FAM228B: variants seen among roughly 807,000 people sequenced by gnomAD.
The protein encoded by FAM228B is protein FAM228B.
FAM228B carries 38 observed loss-of-function variants against 42.6 expected under a neutral mutation model. That is an observed-to-expected ratio of 0.89 (90% CI 0.69 to 1.17). The LOEUF (loss-of-function observed/expected upper bound fraction) is 1.17, where lower values mean the gene tolerates loss of function less well. FAM228B is among the 50% of genes most tolerant of loss of function. FAM228B has a pLI of 0.00. For synonymous variants in FAM228B, 109 were observed against 122.3 expected (o/e 0.89, Z 0.72); for missense variants, 344 against 367.3 (o/e 0.94, Z 0.52).
At chr2:24,101,206 T>TG (rs1665597871) in intron 3 of FAM228B, among the ~76,000 whole-genome samples, 4 of 152,198 alleles carry the variant, frequency 2.6e-5, no homozygotes, top group African/African-American at 9.7e-5. Flanking sequence ...GGCACATGTA[T>TG]ACCTATGTAT....
intron 1 of FAM228B, among the ~76,000 whole-genome samples, chr2:24,078,578 C>CA: frequency 6.6e-6 from 1 of 151,886 alleles, no homozygotes; most frequent in East Asian, 1.9e-4. Flanking sequence ...CACATAGGAG[C>CA]TAAAGGGGGG....
rs1667351555 is a variant in FAM228B at position 24,164,424 on chromosome 2, G to A, written c.932+89G>A. 7.3e-6 allele frequency: 10 copies of A among 1,377,656 alleles called. No individual in the cohort carries two copies. In the African/African-American group the frequency reaches 7.3e-5, roughly 10 times the overall value. The allele number at this position is 1,377,656 out of a possible 1,614,324, so 85.3% of individuals were successfully genotyped here. On this transcript the variant is annotated intron_variant, in intron 9 of 10. Transcript: ENST00000615575. ...AGCACCTGGGAACTTTCTTTGTATG[G>A]CAGGCTTCCAGGAAGAGAGGAGGCA...
At chr2:24,144,649 C>T (rs943352547) in intron 5 of FAM228B, among the ~76,000 whole-genome samples, 8 of 152,114 alleles carry the variant, frequency 5.3e-5, no homozygotes, top group African/African-American at 1.7e-4. Flanking sequence ...TGGAGAGGGC[C>T]GAGGTGTGAG....
intron 2 of FAM228B, among the ~76,000 whole-genome samples, chr2:24,091,710 A>G (rs984419242): frequency 5.9e-5 from 9 of 152,174 alleles, no homozygotes. Flanking sequence ...TTATATAATG[A>G]AGACTGTAAA....
At chr2:24,153,575 A>G (rs1208954238) in intron 7 of FAM228B, among the ~76,000 whole-genome samples, 1 of 152,164 alleles carries the variant, frequency 6.6e-6, no homozygotes, top group African/African-American at 2.4e-5. Context: ...GATGCAGGAC[A>G]AAGTCCTCTT....
At chr2:24,104,086 A>G (rs944256690) in intron 3 of FAM228B, among the ~76,000 whole-genome samples, 1 of 152,198 alleles carries the variant, frequency 6.6e-6, no homozygotes, top group South Asian at 2.1e-4. Context: ...CCATCAGGGC[A>G]GTAGAGGAAC....
At chr2:24,138,181 T>A in intron 4 of FAM228B, 81 bp downstream of exon 4, 1 of 1,077,328 alleles carries the variant, frequency 9.3e-7, no homozygotes, top group Non-Finnish European at 1.3e-6. Context: ...ATTCAGTCAG[T>A]CTGTCCCTGT....
chr2:24,097,399 C>T (rs1264199298), intron 3 of FAM228B: 2 of 125,330 alleles, frequency 1.6e-5, no homozygotes, highest in Non-Finnish European at 3.2e-5. Context: ...TGCAAAGACA[C>T]ACATAGACTA....
chr2:24,114,729 T>C (rs1172366787), intron 3 of FAM228B, among the ~76,000 whole-genome samples: 2 of 152,154 alleles, frequency 1.3e-5, no homozygotes, highest in Non-Finnish European at 1.5e-5. Flanking sequence ...TGCATCATGT[T>C]TAGCAATAGT....
At chr2:24,104,831 G>A (rs1009177868) in intron 3 of FAM228B, among the ~76,000 whole-genome samples, 4 of 152,174 alleles carry the variant, frequency 2.6e-5, no homozygotes, top group African/African-American at 7.2e-5. Context: ...ACAGCCAGGT[G>A]GATAACACCT....
chr2:24,080,920 C>T lies in FAM228B; in HGVS notation c.-245C>T. On this transcript the variant is annotated 5_prime_UTR_variant, in exon 2 of 11. Coordinates refer to the FAM228B transcript ENST00000613899. The surrounding 1 kb of genome is among the most constrained non-coding windows in gnomAD (Gnocchi z 4.7). Reference sequence around the variant, plus strand: ...TGCCATTTGAAGCTTCTTCTGGGAGCCAGCTGTGACCAGAGGAATAGCTCC... The same window carrying T: ...TGCCATTTGAAGCTTCTTCTGGGAGTCAGCTGTGACCAGAGGAATAGCTCC... 1.9e-6 allele frequency: 3 copies of T among 1,614,230 alleles called. No homozygotes were observed. The highest frequency in any genetic ancestry group is 2.5e-6 in the Non-Finnish European group (3 of 1,180,044).
intron 3 of FAM228B, among the ~76,000 whole-genome samples, chr2:24,137,255 T>C (rs1226205043): frequency 2.3e-4 from 35 of 152,190 alleles, no homozygotes; most frequent in Admixed American, 2.3e-3. Flanking sequence ...TGAACATTGG[T>C]GTACAAGTAT....
chr2:24,158,943 C>G (rs1227707072), intron 7 of FAM228B, among the ~76,000 whole-genome samples: 1 of 152,208 alleles, frequency 6.6e-6, no homozygotes, highest in Non-Finnish European at 1.5e-5. Context: ...CAGGGCCACT[C>G]TCTCTGAAGG....
chr2:24,142,483 A>C (rs952584931), intron 5 of FAM228B: 1 of 152,264 alleles, frequency 6.6e-6, no homozygotes, highest in African/African-American at 2.4e-5. Flanking sequence ...TTCAATACAC[A>C]TCTTTTAGAT....
chr2:24,122,591 T>G, upstream of FAM228B: 1 of 1,188,572 alleles, frequency 8.4e-7, no homozygotes, highest in African/African-American at 1.5e-5. Context: ...CTGGCTAGCT[T>G]TTAAAAGGCA....
intron 3 of FAM228B, among the ~76,000 whole-genome samples, chr2:24,099,290 G>A (rs1665561617): frequency 6.6e-6 from 1 of 152,144 alleles, no homozygotes; most frequent in Non-Finnish European, 1.5e-5. Flanking sequence ...GGCAAGAGAA[G>A]GAAATAAAGG....
rs1371576244 is a variant in FAM228B at position 24,135,165 on chromosome 2, A to G, written c.146A>G (p.Tyr49Cys). 8.7e-6 allele frequency: 13 copies of G among 1,500,930 alleles called. No individual in the cohort carries two copies. The highest frequency in any genetic ancestry group is 4.3e-5 in the Admixed American group (2 of 46,672). The allele number at this position is 1,500,930 out of a possible 1,614,324, so 93.0% of individuals were successfully genotyped here. The change falls in exon 3 of 11, where the codon TAC becomes TGC. Residue 49 changes from tyrosine (Y) to cysteine (C), a missense_variant. Tyr to Cys is a radical substitution (Grantham distance 194). Coordinates refer to ENST00000615575, the MANE Select transcript of FAM228B (RefSeq NM_001145710.2). Reference protein sequence around the residue: ...DTEAAIQSILYKENSVIKELD... With the variant: ...DTEAAIQSILCKENSVIKELD... ...GAGGCAGCTATTCAATCAATATTAT[A>G]CAAAGAAAATTCTGTAATTAAGGTA...
chr2:24,077,601 A>G lies in FAM228B; in HGVS notation c.-290+632A>G, dbSNP rs142060790. ...CCTTCACTGGGGCAGTTCCAGGACG[A>G]TCTTGCCTATGTTCTTGTTGGCCTC... On this transcript the variant is annotated intron_variant, in intron 1 of 10. Transcript: ENST00000613899. The surrounding 1 kb of genome is among the most constrained non-coding windows in gnomAD (Gnocchi z 5.5). 5 of 1,612,574 alleles carry G rather than the reference A, an allele frequency of 3.1e-6. No homozygotes were observed. In the African/African-American group the frequency reaches 6.7e-5, roughly 22 times the overall value.
chr2:24,090,217 G>A (rs1326590617), intron 2 of FAM228B, among the ~76,000 whole-genome samples: 5 of 152,040 alleles, frequency 3.3e-5, no homozygotes, highest in Admixed American at 2.0e-4. Context: ...GCAGTGAGCC[G>A]AGATTGCGCC....
Sources: gnomAD v4.1 joint callset for allele counts (sites outside exome capture counted in the v4.1 genomes callset) on GRCh38, gnomAD v4.1.1 for gene constraint, Gnocchi (gnomAD v3.1) non-coding constraint, MANE v1.5 for transcripts, NCBI Gene and HGNC (gene_info 2026-07-23, HGNC 2026-07-21) for gene names.